AGBL1: variants seen among roughly 807,000 people sequenced by gnomAD.
AGBL1 encodes the protein AGBL carboxypeptidase 1.
Under a neutral mutation model 118.9 loss-of-function variants are expected in AGBL1, and 130 were observed. The ratio of observed to expected loss-of-function variants is 1.09; its 90% confidence interval spans 0.95 to 1.26. The LOEUF is 1.26. Ranked by LOEUF, AGBL1 falls within the 50% of genes most tolerant of loss-of-function variation. The pLI, the probability that AGBL1 is intolerant of heterozygous loss-of-function variation, is 0.00. For missense variants in AGBL1, 1,584 were observed against 1,298.1 expected, an observed-to-expected ratio of 1.22 and a Z score of -3.38; for synonymous variants, 555 against 478.9, an observed-to-expected ratio of 1.16 and a Z score of -2.08.
chr15:86,519,091 C>T (rs952581091), intron 18 of AGBL1, among the ~76,000 whole-genome samples: 1 of 151,984 alleles, frequency 6.6e-6, no homozygotes, highest in African/African-American at 2.4e-5. Flanking sequence ...AAAATAACAT[C>T]ATCCTTTGAT....
At chr15:86,975,283 A>C (rs1360599290) in intron 23 of AGBL1, among the ~76,000 whole-genome samples, 1 of 152,086 alleles carries the variant, frequency 6.6e-6, no homozygotes, top group African/African-American at 2.4e-5. Context: ...CAGAAGGTGA[A>C]GGAGGAGCAA....
intron 7 of AGBL1, among the ~76,000 whole-genome samples, chr15:86,249,108 T>C (rs1647477775): frequency 6.6e-6 from 1 of 152,226 alleles, no homozygotes; most frequent in Non-Finnish European, 1.5e-5. Context: ...TGAAATCCTA[T>C]AGTTTGAGGC....
chr15:86,872,534 A>T (rs1017010806), intron 22 of AGBL1, among the ~76,000 whole-genome samples: 3 of 152,130 alleles, frequency 2.0e-5, no homozygotes, highest in African/African-American at 7.2e-5. Context: ...GGTAGGCAGA[A>T]CACAAGGTCA....
At chr15:86,788,951 T>G (rs2078453698) in intron 22 of AGBL1, among the ~76,000 whole-genome samples, 1 of 152,076 alleles carries the variant, frequency 6.6e-6, no homozygotes, top group Non-Finnish European at 1.5e-5. Context: ...AAAGAAGTAA[T>G]GGGATCTGCT....
downstream of AGBL1, among the ~76,000 whole-genome samples, chr15:86,917,684 A>G (rs1444092224): frequency 6.6e-6 from 1 of 152,112 alleles, no homozygotes; most frequent in Non-Finnish European, 1.5e-5. The surrounding 1 kb of genome is among the most constrained non-coding windows in gnomAD (Gnocchi z 4.8). Context: ...GGGGATATGC[A>G]AATGTCGGGG....
intron 21 of AGBL1, among the ~76,000 whole-genome samples, chr15:86,671,555 C>T (rs974647995): frequency 2.6e-4 from 39 of 152,068 alleles, no homozygotes; most frequent in African/African-American, 8.9e-4. Flanking sequence ...ACTGTGAACC[C>T]GTGATAACTG....
At chr15:86,827,088 G>A (rs1483453940) in intron 22 of AGBL1, among the ~76,000 whole-genome samples, 1 of 150,366 alleles carries the variant, frequency 6.7e-6, no homozygotes, top group South Asian at 2.1e-4. Context: ...TCCCCCAAAG[G>A]GCCCTGTGCT....
At chr15:86,236,932 C>CGGGGGGGG (rs1261815080) in intron 6 of AGBL1, among the ~76,000 whole-genome samples, 7 of 9,364 alleles carry the variant, frequency 7.5e-4, no homozygotes, top group Non-Finnish European at 8.9e-4. Context: ...GATATGTGGG[C>CGGGGGGGG]GGGGGGGGGC....
chr15:86,792,267 C>T (rs561144518), intron 22 of AGBL1, among the ~76,000 whole-genome samples: 14 of 152,238 alleles, frequency 9.2e-5, no homozygotes, highest in South Asian at 8.3e-4. Context: ...TGCCTTTCTT[C>T]TCTAGTCCCC....
chr15:86,146,544 G>C (rs914343466), intron 3 of AGBL1, among the ~76,000 whole-genome samples: 1 of 152,178 alleles, frequency 6.6e-6, no homozygotes, highest in African/African-American at 2.4e-5. Flanking sequence ...CATGTCACAT[G>C]CTTATCATAT....
At chr15:86,875,001 A>G (rs1424951773) in intron 22 of AGBL1, among the ~76,000 whole-genome samples, 3 of 152,224 alleles carry the variant, frequency 2.0e-5, no homozygotes, top group East Asian at 3.9e-4. Flanking sequence ...CAAACTGACT[A>G]TTAATTGTTT....
chr15:86,148,587 A>C (rs1335603621), intron 3 of AGBL1, among the ~76,000 whole-genome samples: 1 of 152,188 alleles, frequency 6.6e-6, no homozygotes, highest in Non-Finnish European at 1.5e-5. Flanking sequence ...AAAAAGAGTA[A>C]AAAGAAATGA....
chr15:86,107,302 A>G (rs966323594), intron 1 of AGBL1, among the ~76,000 whole-genome samples: 2 of 152,220 alleles, frequency 1.3e-5, no homozygotes, highest in African/African-American at 4.8e-5. Flanking sequence ...TAATTTTCAT[A>G]TGTAGTGGCC....
At chr15:86,638,398 A>G (rs921276096) in intron 21 of AGBL1, among the ~76,000 whole-genome samples, 4 of 152,160 alleles carry the variant, frequency 2.6e-5, no homozygotes, top group African/African-American at 9.6e-5. Flanking sequence ...TTGCATCTGT[A>G]TCACCTGGTC....
chr15:86,958,231 A>G (rs1029837278), intron 23 of AGBL1, among the ~76,000 whole-genome samples: 2 of 151,342 alleles, frequency 1.3e-5, no homozygotes, highest in Non-Finnish European at 2.9e-5. Flanking sequence ...AAAAGAAAAG[A>G]AAATGAAAGA....
intron 16 of AGBL1, among the ~76,000 whole-genome samples, chr15:86,286,735 G>GTGTGTGTATATATATATATATATA: frequency 5.6e-5 from 6 of 106,294 alleles, no homozygotes; most frequent in African/African-American, 2.3e-4. Flanking sequence ...GTTTGTGTGT[G>GTGTGTGTATATATATATATATATA]TATATATATA....
intron 22 of AGBL1, among the ~76,000 whole-genome samples, chr15:86,734,034 T>G (rs943460054): frequency 9.9e-5 from 15 of 152,164 alleles, no homozygotes; most frequent in African/African-American, 3.4e-4. Context: ...GATACCCTCA[T>G]GAGAAGGGGA....
At chr15:86,563,752 T>A (rs2083868379) in intron 21 of AGBL1, among the ~76,000 whole-genome samples, 4 of 152,300 alleles carry the variant, frequency 2.6e-5, no homozygotes, top group Admixed American at 2.0e-4. Flanking sequence ...CCCATAATTA[T>A]TATGTGGGAG....
chr15:86,740,184 A>G (rs2077657468), intron 22 of AGBL1, among the ~76,000 whole-genome samples: 2 of 152,226 alleles, frequency 1.3e-5, no homozygotes, highest in African/African-American at 4.8e-5. Context: ...AGAGTTGGAC[A>G]GTTTTGTCTC....
Sources: allele counts gnomAD v4.1 joint callset (sites outside exome capture counted in the v4.1 genomes callset), GRCh38; gene constraint gnomAD v4.1.1; non-coding constraint Gnocchi (gnomAD v3.1); transcripts MANE v1.5; gene names NCBI Gene and HGNC (gene_info 2026-07-23, HGNC 2026-07-21).